PXDNL: variants seen among roughly 807,000 people sequenced by gnomAD.
PXDNL encodes peroxidasin like, also known as probable oxidoreductase PXDNL.
Under a neutral mutation model 150.8 loss-of-function variants are expected in PXDNL, and 145 were observed. That is an observed-to-expected ratio of 0.96 (90% CI 0.84 to 1.10). The LOEUF is 1.10. Among genes scored for constraint, PXDNL ranks in the 50% least tolerant of loss-of-function variants. The pLI is 0.00. For synonymous variants in PXDNL, 757 were observed against 725.7 expected, an observed-to-expected ratio of 1.04 and a Z score of -0.69; for missense variants, 2,087 against 1,873.9, an observed-to-expected ratio of 1.11 and a Z score of -2.10.
At chr8:51,556,075 C>T (rs1812593823) in intron 4 of PXDNL, among the ~76,000 whole-genome samples, 1 of 151,952 alleles carries the variant, frequency 6.6e-6, no homozygotes, top group African/African-American at 2.4e-5. Flanking sequence ...AGTTCAAGAC[C>T]AGACTGGCCA....
At chr8:51,788,305 A>C (rs2037478934) in intron 1 of PXDNL, among the ~76,000 whole-genome samples, 2 of 152,202 alleles carry the variant, frequency 1.3e-5, no homozygotes. Flanking sequence ...GCTAGGAATG[A>C]AATCATTGTC....
chr8:51,405,227 C>T (rs1434850432), intron 17 of PXDNL, among the ~76,000 whole-genome samples: 2 of 152,208 alleles, frequency 1.3e-5, no homozygotes, highest in African/African-American at 4.8e-5. Flanking sequence ...GGGGCTCCCA[C>T]AGTGCAACCG....
intron 8 of PXDNL, among the ~76,000 whole-genome samples, chr8:51,460,697 G>C (rs1164815296): frequency 6.6e-6 from 1 of 151,744 alleles, no homozygotes; most frequent in Non-Finnish European, 1.5e-5. Context: ...CCCCACAATG[G>C]ACCTCTGGGA....
chr8:51,354,230 A>G (rs1272689375), intron 19 of PXDNL, among the ~76,000 whole-genome samples: 2 of 152,106 alleles, frequency 1.3e-5, no homozygotes. Context: ...ATAATTACAA[A>G]TGTAATGAGG....
At chr8:51,434,908 A>G (rs1393863393) in intron 12 of PXDNL, among the ~76,000 whole-genome samples, 3 of 152,230 alleles carry the variant, frequency 2.0e-5, no homozygotes, top group African/African-American at 7.2e-5. Flanking sequence ...GCTCTTAAGG[A>G]TATATAATGA....
At chr8:51,714,248 T>C (rs1000263334) in intron 1 of PXDNL, among the ~76,000 whole-genome samples, 3 of 152,254 alleles carry the variant, frequency 2.0e-5, no homozygotes, top group South Asian at 2.1e-4. Context: ...ATTCTCTCTT[T>C]TGCCACATGG....
intron 18 of PXDNL, among the ~76,000 whole-genome samples, chr8:51,373,168 C>T (rs1036955084): frequency 6.6e-6 from 1 of 152,060 alleles, no homozygotes; most frequent in African/African-American, 2.4e-5. Context: ...GTGTGTGAGC[C>T]CTAACCCAGT....
intron 2 of PXDNL, among the ~76,000 whole-genome samples, chr8:51,613,275 T>A (rs966580568): frequency 6.6e-6 from 1 of 151,460 alleles, no homozygotes; most frequent in East Asian, 1.9e-4. Flanking sequence ...TGATCATGAG[T>A]TCAGTTTAGG....
intron 1 of PXDNL, among the ~76,000 whole-genome samples, chr8:51,705,930 CA>C (rs1340496146): frequency 1.3e-5 from 2 of 152,112 alleles, no homozygotes; most frequent in Non-Finnish European, 2.9e-5. Flanking sequence ...CATTTCCAGA[CA>C]AAGTGGAAAG....
intron 12 of PXDNL, among the ~76,000 whole-genome samples, chr8:51,443,493 T>G (rs2129902369): frequency 6.6e-6 from 1 of 152,262 alleles, no homozygotes; most frequent in Non-Finnish European, 1.5e-5. Flanking sequence ...TTAAAAATTA[T>G]TGACAAGCAC....
intron 21 of PXDNL, among the ~76,000 whole-genome samples, chr8:51,332,427 G>C (rs758293881): frequency 6.6e-6 from 1 of 152,072 alleles, no homozygotes; most frequent in Admixed American, 6.6e-5. Flanking sequence ...GCTCATCAAT[G>C]ATCCCAAAAA....
At chr8:51,574,012 C>T (rs966341246) in intron 3 of PXDNL, among the ~76,000 whole-genome samples, 2 of 151,936 alleles carry the variant, frequency 1.3e-5, no homozygotes, top group Non-Finnish European at 2.9e-5. Context: ...ACCAAAATTA[C>T]ATTTCTATTG....
chr8:51,742,734 T>C (rs567009871), intron 1 of PXDNL, among the ~76,000 whole-genome samples: 17 of 152,152 alleles, frequency 1.1e-4, no homozygotes, highest in African/African-American at 4.1e-4. Context: ...ACAAATAAGC[T>C]ATAACAAATT....
chr8:51,512,832 A>T (rs1033027723), intron 4 of PXDNL, among the ~76,000 whole-genome samples: 3 of 152,186 alleles, frequency 2.0e-5, no homozygotes, highest in African/African-American at 7.2e-5. Flanking sequence ...TAACATAAAA[A>T]AGAGTCTGAA....
chr8:51,374,635 C>A lies in PXDNL; in HGVS notation c.3654G>T (p.Leu1218=). The A allele has an allele frequency of 6.2e-7, 1 of 1,613,896 alleles. No homozygotes were observed. Among genetic ancestry groups the A allele is most frequent in the East Asian group, 2.2e-5 (1 of 44,864 alleles). Residue 1218 remains leucine, a synonymous_variant, in exon 18 of 23, where the codon CTG becomes CTT. Coordinates refer to ENST00000356297, the MANE Select transcript of PXDNL (RefSeq NM_144651.5). ...TTAGCCGCTGAAACTGGGTAACAAA[C>A]AGGCACATAAGTGTTGGTCCCACTC... ...GTRVGPTLMC[L]FVTQFQRLRD...
chr8:51,358,513 A>AC (rs1443784317), intron 19 of PXDNL, among the ~76,000 whole-genome samples: 2 of 152,190 alleles, frequency 1.3e-5, no homozygotes, highest in Non-Finnish European at 2.9e-5. Context: ...TGACCTTGAA[A>AC]AACCAAATAT....
chr8:51,597,137 T>C (rs1199188317), intron 2 of PXDNL, among the ~76,000 whole-genome samples: 7 of 152,202 alleles, frequency 4.6e-5, no homozygotes, highest in African/African-American at 1.7e-4. Context: ...AGCCAGCTAT[T>C]CTAGCACCAT....
intron 1 of PXDNL, among the ~76,000 whole-genome samples, chr8:51,688,382 T>A (rs1815919619): frequency 6.6e-6 from 1 of 152,110 alleles, no homozygotes; most frequent in South Asian, 2.1e-4. Flanking sequence ...GGGCATTCTG[T>A]TGGCTGAGGA....
chr8:51,792,143 G>A (rs1356920880), intron 1 of PXDNL, among the ~76,000 whole-genome samples: 1 of 152,116 alleles, frequency 6.6e-6, no homozygotes, highest in Non-Finnish European at 1.5e-5. Context: ...GAGGGGCCAA[G>A]ATGGCTGACT....
Sources: allele counts gnomAD v4.1 joint callset (sites outside exome capture counted in the v4.1 genomes callset), GRCh38; gene constraint gnomAD v4.1.1; transcripts MANE v1.5; gene names NCBI Gene and HGNC (gene_info 2026-07-23, HGNC 2026-07-21).